KIF21A: variants seen among roughly 807,000 people sequenced by gnomAD.
KIF21A encodes kinesin-like protein KIF21A.
KIF21A carries 114 observed loss-of-function variants against 202.9 expected under a neutral mutation model. The observed-to-expected ratio is 0.56, with a 90% CI of 0.48 to 0.66. The LOEUF is 0.66. Among genes scored for constraint, KIF21A ranks in the 30% least tolerant of loss-of-function variants. KIF21A has a pLI of 0.00. For missense variants in KIF21A, 1,677 were observed against 1,994.9 expected, an observed-to-expected ratio of 0.84 and a Z score of 3.04; for synonymous variants, 667 against 670.8, an observed-to-expected ratio of 0.99 and a Z score of 0.09.
intron 1 of KIF21A, among the ~76,000 whole-genome samples, chr12:39,432,890 C>T (rs959552225): frequency 3.9e-5 from 6 of 152,080 alleles, no homozygotes; most frequent in Admixed American, 6.6e-5. Context: ...GGATTACAGG[C>T]GTGAGCCACC....
chr12:39,406,502 C>G (rs1001523478), intron 1 of KIF21A, among the ~76,000 whole-genome samples: 2 of 152,214 alleles, frequency 1.3e-5, no homozygotes, highest in African/African-American at 4.8e-5. Context: ...TTACCTCCCA[C>G]TAAAGCCATC....
intron 4 of KIF21A, 61 bp downstream of exon 4, chr12:39,367,822 C>T: frequency 7.6e-7 from 1 of 1,310,224 alleles, no homozygotes; most frequent in Non-Finnish European, 1.1e-6. Flanking sequence ...AGATTATCAG[C>T]AAAGCTCACT....
At chr12:39,326,206 TG>T in intron 25 of KIF21A, 57 bp downstream of exon 25, 1 of 1,231,956 alleles carries the variant, frequency 8.1e-7, no homozygotes, top group East Asian at 2.3e-5. Context: ...TGATACAAGA[TG>T]AAAGTATTTA....
intron 1 of KIF21A, among the ~76,000 whole-genome samples, chr12:39,424,816 G>T (rs1490132263): frequency 6.6e-6 from 1 of 151,776 alleles, no homozygotes; most frequent in South Asian, 2.1e-4. Context: ...TTATAATACA[G>T]TCCACCTTGT....
chr12:39,437,168 T>C (rs1452560643), intron 1 of KIF21A, among the ~76,000 whole-genome samples: 1 of 152,210 alleles, frequency 6.6e-6, no homozygotes, highest in African/African-American at 2.4e-5. Context: ...TATTAACTGC[T>C]ACGATCATTT....
At chr12:39,349,851 TAC>T (rs953323848) in intron 11 of KIF21A, among the ~76,000 whole-genome samples, 37 of 152,172 alleles carry the variant, frequency 2.4e-4, no homozygotes, top group African/African-American at 8.9e-4. Flanking sequence ...TAAAAATGTT[TAC>T]AGTTATATGG....
At chr12:39,342,733 T>A (rs1217787256) in intron 12 of KIF21A, among the ~76,000 whole-genome samples, 1 of 152,160 alleles carries the variant, frequency 6.6e-6, no homozygotes, top group East Asian at 1.9e-4. Context: ...AATGTGTCTT[T>A]GCATACCAAA....
At chr12:39,402,659 C>G (rs185882935) in intron 1 of KIF21A, among the ~76,000 whole-genome samples, 108 of 152,300 alleles carry the variant, frequency 7.1e-4, no homozygotes, top group African/African-American at 2.4e-3. Flanking sequence ...GTCCAACCTG[C>G]AGCCTGTAGG....
At chr12:39,385,528 T>C (rs1470204004) in intron 1 of KIF21A, among the ~76,000 whole-genome samples, 1 of 152,162 alleles carries the variant, frequency 6.6e-6, no homozygotes, top group Non-Finnish European at 1.5e-5. Context: ...TGTGGTAAAA[T>C]TACTAAGTAA....
intron 1 of KIF21A, among the ~76,000 whole-genome samples, chr12:39,408,106 T>C (rs770303318): frequency 1.7e-4 from 26 of 151,876 alleles, no homozygotes; most frequent in Admixed American, 2.6e-4. Context: ...GAAAAAAATA[T>C]AAAAAGTTTA....
At chr12:39,349,182 TGA>T (rs150813364) in intron 11 of KIF21A, among the ~76,000 whole-genome samples, 1,676 of 152,176 alleles carry the variant, frequency 0.011, 17 homozygotes, top group Non-Finnish European at 0.017. Context: ...CCTACACCCA[TGA>T]GAGGGAAAGA....
chr12:39,432,331 T>C (rs968021171), intron 1 of KIF21A, among the ~76,000 whole-genome samples: 7 of 152,178 alleles, frequency 4.6e-5, no homozygotes, highest in African/African-American at 1.7e-4. Flanking sequence ...TACCCATATA[T>C]TCTGGGTGAG....
chr12:39,409,585 T>C (rs1952914076), intron 1 of KIF21A, among the ~76,000 whole-genome samples: 1 of 151,410 alleles, frequency 6.6e-6, no homozygotes, highest in African/African-American at 2.4e-5. Context: ...TATTTCATAA[T>C]GATAACAGAA....
In KIF21A at chr12:39,337,114, C is replaced by CG; in HGVS notation, c.2399_2400insC (p.Lys800AsnfsTer5). On this transcript the variant is annotated frameshift_variant, in exon 17 of 38. Coordinates refer to ENST00000361418, the MANE Select transcript of KIF21A (RefSeq NM_001173464.2). LOFTEE classifies it high-confidence loss of function. Reference sequence around the variant, plus strand: ...CACTTACATCTCTTTTACGTTGATCCTTTTTCAACTGAGCAATCTCTCTGT... The same window carrying CG: ...CACTTACATCTCTTTTACGTTGATCCGTTTTTCAACTGAGCAATCTCTCTGT... The CG allele has an allele frequency of 6.2e-7, 1 of 1,605,178 alleles. No homozygotes were observed. Among genetic ancestry groups the CG allele is most frequent in the Non-Finnish European group, 8.5e-7 (1 of 1,173,206 alleles).
intron 28 of KIF21A, 81 bp from the exon 29 acceptor site, chr12:39,318,282 TA>T (rs561868593): frequency 3.3e-5 from 45 of 1,378,514 alleles, no homozygotes; most frequent in Non-Finnish European, 3.9e-5. Flanking sequence ...CATGCTCTTT[TA>T]AAAAAAAGCT....
At chr12:39,361,716 C>T (rs1168531181) in intron 7 of KIF21A, among the ~76,000 whole-genome samples, 1 of 152,058 alleles carries the variant, frequency 6.6e-6, no homozygotes, top group Admixed American at 6.6e-5. Context: ...CCGTGTTAGC[C>T]AGGATGGTCT....
chr12:39,416,877 G>A (rs538462069), intron 1 of KIF21A, among the ~76,000 whole-genome samples: 23 of 143,810 alleles, frequency 1.6e-4, no homozygotes, highest in African/African-American at 5.4e-4. Flanking sequence ...ATATAGATAT[G>A]TACATATATA....
chr12:39,317,949 T>G (rs1045055280), intron 29 of KIF21A, 124 bp downstream of exon 29: 1 of 970,292 alleles, frequency 1.0e-6, no homozygotes, highest in South Asian at 1.4e-5. Context: ...GCATAAAATA[T>G]GGCAAGAGTT....
At chr12:39,367,241 G>A in intron 4 of KIF21A, 77 bp from the exon 5 acceptor site, 1 of 1,457,578 alleles carries the variant, frequency 6.9e-7, no homozygotes. Flanking sequence ...TGAGGTAATG[G>A]CTAAAACCCA....
Sources: gnomAD v4.1 joint callset for allele counts (sites outside exome capture counted in the v4.1 genomes callset) on GRCh38, gnomAD v4.1.1 for gene constraint, MANE v1.5 for transcripts, NCBI Gene and HGNC (gene_info 2026-07-23, HGNC 2026-07-21) for gene names.